The following UBXN2A variants were observed in gnomAD, a reference collection of about 807,000 sequenced individuals.
The protein encoded by UBXN2A is UBX domain-containing protein 2A.
In UBXN2A, 28 loss-of-function variants were observed where a neutral mutation model predicts 28.4. The ratio of observed to expected loss-of-function variants is 0.99; its 90% CI spans 0.73 to 1.35. The LOEUF is 1.35. UBXN2A is among the 40% of genes most tolerant of loss of function. The pLI, the probability that UBXN2A is intolerant of heterozygous loss-of-function variation, is 0.00. For synonymous variants in UBXN2A, 97 were observed against 103.6 expected, an observed-to-expected ratio of 0.94 and a Z score of 0.39; for missense variants, 253 against 297.9, an observed-to-expected ratio of 0.85 and a Z score of 1.11.
chr2:23,936,622 G>C (rs1367868449), upstream of UBXN2A, among the ~76,000 whole-genome samples: 1 of 151,850 alleles, frequency 6.6e-6, no homozygotes. Context: ...CTGTCTCAAA[G>C]AAAAAGAAAA....
intron 2 of UBXN2A, among the ~76,000 whole-genome samples, chr2:23,964,964 T>C (rs970273944): frequency 1.3e-5 from 2 of 152,100 alleles, no homozygotes; most frequent in African/African-American, 4.8e-5. Context: ...GGGCATATGG[T>C]AAACCCTCAT....
chr2:23,947,707 G>C (rs956392681), intron 1 of UBXN2A, among the ~76,000 whole-genome samples: 7 of 152,120 alleles, frequency 4.6e-5, no homozygotes, highest in Admixed American at 1.3e-4. Flanking sequence ...CTTACAATTA[G>C]TAATTCAGTT....
At chr2:23,927,913 A>C (rs112139157) in intron 1 of UBXN2A, among the ~76,000 whole-genome samples, 28,174 of 152,088 alleles carry the variant, frequency 0.19, 2,699 homozygotes, top group Middle Eastern at 0.26. Flanking sequence ...CGGTGGCTCA[A>C]GCCTGTAATC....
At chr2:23,991,103 A>G (rs1184357397) in intron 6 of UBXN2A, among the ~76,000 whole-genome samples, 1 of 152,178 alleles carries the variant, frequency 6.6e-6, no homozygotes, top group Non-Finnish European at 1.5e-5. Flanking sequence ...CTGAATCATT[A>G]AAAAATTGTG....
At chr2:23,930,661 C>A (rs979049674) in intron 1 of UBXN2A, among the ~76,000 whole-genome samples, 1 of 151,934 alleles carries the variant, frequency 6.6e-6, no homozygotes, top group Non-Finnish European at 1.5e-5. Context: ...GCATTCAAGA[C>A]CAGCCTGCGC....
upstream of UBXN2A, chr2:23,940,404 G>T (rs1290101937): frequency 7.2e-6 from 1 of 139,458 alleles, no homozygotes; most frequent in Non-Finnish European, 1.6e-5. Context: ...CCCCGCCCTC[G>T]GCGCGCCCCC....
chr2:23,952,963 G>C (rs1706446619), intron 1 of UBXN2A, among the ~76,000 whole-genome samples: 1 of 35,690 alleles, frequency 2.8e-5, no homozygotes, highest in Admixed American at 5.1e-4. Flanking sequence ...GAAGCTCTTA[G>C]TTGTTTTTTT....
intron 1 of UBXN2A, among the ~76,000 whole-genome samples, chr2:23,948,738 G>A (rs961550368): frequency 4.6e-5 from 7 of 152,262 alleles, no homozygotes; most frequent in Non-Finnish European, 1.0e-4. Flanking sequence ...GCTCAAAAGT[G>A]ATGTAGCCAG....
rs151324178 is a variant in UBXN2A at position 23,978,335 on chromosome 2, T to C, written c.287+1260T>C. 7.9e-5 allele frequency among the ~76,000 whole-genome samples: 12 copies of C among 152,176 alleles called. No homozygotes were observed. The East Asian group carries it at 2.3e-3, about 29-fold the overall frequency. ...TACTCTGGCTTGGGAGGCTGCCCGA[T>C]TCATGAATAAAAATTTTAAAAGAAT... On this transcript the variant is annotated intron_variant, in intron 4 of 6. Transcript: ENST00000309033.
At chr2:23,935,910 C>T (rs953828292), upstream of UBXN2A, among the ~76,000 whole-genome samples, 2 of 151,986 alleles carry the variant, frequency 1.3e-5, no homozygotes, top group Admixed American at 1.3e-4. Flanking sequence ...ATTAGCTGGG[C>T]ATGGTTGGGG....
In UBXN2A at chr2:23,958,291, A is replaced by G. The variant is rs746972815; in HGVS notation, c.-14-10A>G. 6.3e-7 allele frequency: 1 copy of G among 1,584,500 alleles called. No homozygotes were observed. ...CTTTCTTTTTACTTACTTTCTTTGT[A>G]CTTTTACAGTAAGGCGAAAGAGAAT... On this transcript the variant is annotated splice_polypyrimidine_tract_variant and intron_variant, in intron 1 of 6. Transcript: ENST00000309033.
intron 1 of UBXN2A, among the ~76,000 whole-genome samples, chr2:23,948,152 G>A (rs1389483746): frequency 6.6e-6 from 1 of 150,768 alleles, no homozygotes; most frequent in African/African-American, 2.4e-5. Flanking sequence ...ACTGTGCCGG[G>A]CTTTTAAAAA....
At chr2:23,981,241 G>A (rs1707880615) in intron 4 of UBXN2A, among the ~76,000 whole-genome samples, 1 of 148,800 alleles carries the variant, frequency 6.7e-6, no homozygotes, top group African/African-American at 2.5e-5. Context: ...GGCCAAGGCA[G>A]GAGGATCATT....
At chr2:23,966,166 ATC>A (rs1300851036) in intron 2 of UBXN2A, among the ~76,000 whole-genome samples, 1 of 151,408 alleles carries the variant, frequency 6.6e-6, no homozygotes, top group Non-Finnish European at 1.5e-5. Flanking sequence ...TAAAGACAGA[ATC>A]TCTCTTTGTC....
chr2:23,985,541 C>T (rs1558304812), intron 6 of UBXN2A, among the ~76,000 whole-genome samples: 1 of 151,674 alleles, frequency 6.6e-6, no homozygotes, highest in African/African-American at 2.4e-5. Context: ...AGTGAGCCAC[C>T]TCGACCAGCC....
At chr2:23,995,461 G>A (rs1234206217) in intron 6 of UBXN2A, among the ~76,000 whole-genome samples, 1 of 152,054 alleles carries the variant, frequency 6.6e-6, no homozygotes, top group East Asian at 1.9e-4. Flanking sequence ...GGAGGCTGAG[G>A]CGGGCGGATC....
chr2:23,958,436 G>T (rs1706743475), intron 2 of UBXN2A, 81 bp downstream of exon 2: 2 of 1,358,268 alleles, frequency 1.5e-6, no homozygotes, highest in Admixed American at 2.3e-5. Flanking sequence ...CACTTGCAGA[G>T]ATAGTAGAGT....
intron 3 of UBXN2A, among the ~76,000 whole-genome samples, chr2:23,973,996 G>C (rs1199822527): frequency 6.7e-6 from 1 of 149,286 alleles, no homozygotes; most frequent in Non-Finnish European, 1.5e-5. Flanking sequence ...ACAACTTATA[G>C]TAGCTGTTGA....
At chr2:23,992,759 G>T (rs1708398565) in intron 6 of UBXN2A, among the ~76,000 whole-genome samples, 1 of 152,186 alleles carries the variant, frequency 6.6e-6, no homozygotes, top group Admixed American at 6.5e-5. Flanking sequence ...TACTCTGCCT[G>T]ATATTAATAT....
Sources: allele counts gnomAD v4.1 joint callset (sites outside exome capture counted in the v4.1 genomes callset), GRCh38; gene constraint gnomAD v4.1.1; transcripts MANE v1.5; gene names NCBI Gene and HGNC (gene_info 2026-07-23, HGNC 2026-07-21).